The following DHRS7C variants were observed in gnomAD, a reference collection of about 807,000 sequenced individuals.
The protein encoded by DHRS7C is dehydrogenase/reductase 7C, also known as dehydrogenase/reductase SDR family member 7C.
A neutral mutation model predicts 29.6 loss-of-function variants in DHRS7C; 28 were observed. The ratio of observed to expected loss-of-function variants is 0.95; its 90% CI spans 0.70 to 1.30. The LOEUF (loss-of-function observed/expected upper bound fraction) is 1.30, where lower values mean the gene tolerates loss of function less well. Ranked by LOEUF, DHRS7C falls within the 50% of genes most tolerant of loss-of-function variation. The pLI is 0.00. For synonymous variants in DHRS7C, 158 were observed against 160.2 expected (o/e 0.99, Z 0.10); for missense variants, 403 against 393.3 (o/e 1.02, Z -0.21).
intron 1 of DHRS7C, among the ~76,000 whole-genome samples, chr17:9,782,640 A>G (rs1023624143): frequency 5.3e-5 from 8 of 152,228 alleles, no homozygotes; most frequent in Admixed American, 3.3e-4. Context: ...GAAAGGAGGC[A>G]TCTGCACGCC....
rs564124444 is a variant in DHRS7C, at chr17:9,774,296, T to C, written c.572-1374A>G. Among the ~76,000 whole-genome samples the C allele has an allele frequency of 6.6e-6, 1 of 152,134 alleles. No homozygotes were observed. The highest frequency in any genetic ancestry group is 2.1e-4 in the South Asian group (1 of 4,810). ...TCCATGTGGTGTTTTTTGTTTTGTT[T>C]TGTTTTGAGAGGGAGTCTTGCTCTG... On this transcript the variant is annotated intron_variant, in intron 4 of 5. Transcript: ENST00000571134. This position sits in a 1 kb window ranked among gnomAD's most constrained non-coding sequence, Gnocchi z 5.0.
chr17:9,791,287 T>A lies in DHRS7C; in HGVS notation c.-3A>T. ...ATCAGCATGGCCATGACTCCCATCT[T>A]GTTCTGGGGGACAACGGAGTAAAAG... On this transcript the variant is annotated 5_prime_UTR_variant, in exon 1 of 6. Coordinates refer to ENST00000571134, the MANE Select transcript of DHRS7C (RefSeq NM_001105571.3). 1 of 1,613,522 alleles carries A rather than the reference T, an allele frequency of 6.2e-7. No individual in the cohort carries two copies. Among genetic ancestry groups the A allele is most frequent in the Non-Finnish European group, 8.5e-7 (1 of 1,179,742 alleles).
chr17:9,789,684 T>C (rs2066443612), intron 1 of DHRS7C, among the ~76,000 whole-genome samples: 2 of 152,186 alleles, frequency 1.3e-5, no homozygotes, highest in South Asian at 4.1e-4. Flanking sequence ...GTATCAGGGA[T>C]CGCATGTTAG....
Position 9,772,858 on chromosome 17 carries a change from G to T in DHRS7C, c.636C>A (p.Tyr212Ter), listed in dbSNP as rs755563660. Residue 212 changes from tyrosine (Y) to a stop codon, truncating the protein, a stop_gained, in exon 5 of 6, where the codon TAC (tyrosine) becomes TAA (stop). Coordinates refer to ENST00000571134, the MANE Select transcript of DHRS7C (RefSeq NM_001105571.3). LOFTEE classifies it high-confidence loss of function. ...FDCLRAEVEEYDVVISTVSPT... is the reference protein window; with the variant it reads ...FDCLRAEVEE ...GGCTCACGGTGCTGATGACAACATC[G>T]TATTCCTCCACTTCGGCTCGGAGGC... The T allele has an allele frequency of 6.2e-7, 1 of 1,613,912 alleles. No homozygotes were observed. Among genetic ancestry groups the T allele is most frequent in the Non-Finnish European group, 8.5e-7 (1 of 1,179,882 alleles).
Position 9,791,492 on chromosome 17 carries a change from G to C in DHRS7C, c.-208C>G, listed in dbSNP as rs1358047064. On this transcript the variant is annotated 5_prime_UTR_variant, in exon 1 of 6. Transcript: ENST00000571134. ...GTCTCCGAAAGCAGACCGAATCCAG[G>C]GGGCCTGCCCTCCCCAGTGGTTAAT... 6.6e-6 allele frequency among the ~76,000 whole-genome samples: 1 copy of C among 152,240 alleles called. No homozygotes were observed. The highest frequency in any genetic ancestry group is 2.4e-5 in the African/African-American group (1 of 41,468).
chr17:9,777,541 T>TG (rs1281521317), intron 3 of DHRS7C, among the ~76,000 whole-genome samples: 1 of 151,832 alleles, frequency 6.6e-6, no homozygotes, highest in African/African-American at 2.4e-5. Context: ...GATTTCTTTT[T>TG]TTTTTTTTAA....
At chr17:9,788,917 A>C (rs1045529541) in intron 1 of DHRS7C, among the ~76,000 whole-genome samples, 1 of 152,114 alleles carries the variant, frequency 6.6e-6, no homozygotes, top group Admixed American at 6.5e-5. Flanking sequence ...TGGGTCAATG[A>C]GATATAGTAA....
intron 1 of DHRS7C, among the ~76,000 whole-genome samples, chr17:9,784,167 T>C (rs1364750119): frequency 6.6e-6 from 1 of 151,976 alleles, no homozygotes; most frequent in Non-Finnish European, 1.5e-5. Flanking sequence ...TTATAGATTT[T>C]ACCCTTTTAA....
At chr17:9,777,083 C>T (rs2066366198) in intron 4 of DHRS7C, 110 bp downstream of exon 4, 1 of 905,696 alleles carries the variant, frequency 1.1e-6, no homozygotes, top group Non-Finnish European at 1.6e-6. Flanking sequence ...TGGTGTCATC[C>T]TTGGACCCTT....
At chr17:9,773,554 G>A (rs529275879) in intron 4 of DHRS7C, among the ~76,000 whole-genome samples, 2 of 152,174 alleles carry the variant, frequency 1.3e-5, no homozygotes, top group South Asian at 4.2e-4. Context: ...TCTGGGGTGT[G>A]ATGCACCCCA....
At position 9,791,210 on chromosome 17, in the gene DHRS7C, C is replaced by T; in HGVS notation, c.75G>A (p.Glu25=). ...GISGLLFIYQ[E]VSRLWSKSAV... ...CTGACTTTGACCACAGCCTGGACAC[C>T]TCTTGGTAAATGAAGAGGAGGCCGC... The change falls in exon 1 of 6, where the codon GAG becomes GAA. Residue 25 remains glutamate, a synonymous_variant. Coordinates refer to ENST00000571134, the MANE Select transcript of DHRS7C (RefSeq NM_001105571.3). 1 of 1,613,734 alleles carries T rather than the reference C, an allele frequency of 6.2e-7. No individual in the cohort carries two copies. The highest frequency in any genetic ancestry group is 8.5e-7 in the Non-Finnish European group (1 of 1,179,812).
At chr17:9,787,671 G>A (rs2066431721) in intron 1 of DHRS7C, among the ~76,000 whole-genome samples, 1 of 152,120 alleles carries the variant, frequency 6.6e-6, no homozygotes, top group Non-Finnish European at 1.5e-5. Flanking sequence ...ATGATGAGCT[G>A]TTGCCTGATT....
intron 1 of DHRS7C, among the ~76,000 whole-genome samples, chr17:9,788,766 T>C (rs2066438530): frequency 6.6e-6 from 1 of 152,184 alleles, no homozygotes; most frequent in African/African-American, 2.4e-5. Context: ...ACTTAAGACA[T>C]GCAGCAATGG....
intron 4 of DHRS7C, 117 bp from the exon 5 acceptor site, chr17:9,773,039 G>A: frequency 7.9e-7 from 1 of 1,268,322 alleles, no homozygotes; most frequent in Non-Finnish European, 1.1e-6. Flanking sequence ...GAGCTGGGAA[G>A]ATCCTCAAGA....
rs138497023 is a variant in DHRS7C at position 9,776,072 on chromosome 17, G to A, written c.571+1121C>T. Among the ~76,000 whole-genome samples the A allele has an allele frequency of 3.1e-3, 465 of 152,274 alleles. 1 individual carries two copies. Among genetic ancestry groups the A allele is most frequent in the African/African-American group, 0.01 (419 of 41,546 alleles). ...ACAAAAATTAGCTGGGTGTGGTGGC[G>A]TGTGCCTGTAGTCCCAGCTACTCAG... On this transcript the variant is annotated intron_variant, in intron 4 of 5. Transcript: ENST00000571134.
In DHRS7C at chr17:9,779,997, G is replaced by T; in HGVS notation, c.306C>A (p.Asp102Glu). 1 of 1,613,934 alleles carries T rather than the reference G, an allele frequency of 6.2e-7. No individual in the cohort carries two copies. The highest frequency in any genetic ancestry group is 1.1e-5 in the South Asian group (1 of 91,036). Reference sequence around the variant, plus strand: ...TTGCCACATCTGGGACACAGCTGATGTCTGAGAGGTCCAACAGGACCAGCT... The same window carrying T: ...TTGCCACATCTGGGACACAGCTGATTTCTGAGAGGTCCAACAGGACCAGCT... Reference protein sequence around the residue: ...TPKLVLLDLSDISCVPDVAKE... With the variant: ...TPKLVLLDLSEISCVPDVAKE... Residue 102 changes from aspartate (D) to glutamate (E), a missense_variant, in exon 3 of 6, where the codon GAC (aspartate) becomes GAA (glutamate). Coordinates refer to ENST00000571134, the MANE Select transcript of DHRS7C (RefSeq NM_001105571.3).
In DHRS7C at chr17:9,775,717, A is replaced by T. The variant is rs750322934; in HGVS notation, c.571+1476T>A. On this transcript the variant is annotated intron_variant, in intron 4 of 5. Transcript: ENST00000571134. The surrounding 1 kb of genome is among the most constrained non-coding windows in gnomAD (Gnocchi z 4.2). ...ACTAACTAAGGCATATGGAAAAAGG[A>T]AGGTAAAACACTACTAGAGCGGGTG... Among the ~76,000 whole-genome samples the T allele has an allele frequency of 6.6e-6, 1 of 152,206 alleles. No homozygotes were observed. Among genetic ancestry groups the T allele is most frequent in the African/African-American group, 2.4e-5 (1 of 41,452 alleles).
At chr17:9,784,662 A>C (rs1304337159) in intron 1 of DHRS7C, among the ~76,000 whole-genome samples, 1 of 152,238 alleles carries the variant, frequency 6.6e-6, no homozygotes, top group African/African-American at 2.4e-5. Flanking sequence ...CTAATAAAGA[A>C]ATTGGTTAAG....
chr17:9,776,152 A>G (rs891015488), intron 4 of DHRS7C, among the ~76,000 whole-genome samples: 49 of 152,194 alleles, frequency 3.2e-4, no homozygotes, highest in Non-Finnish European at 7.3e-5. Flanking sequence ...GCAGTGAGCC[A>G]AGACCTTGCC....
Sources: allele counts gnomAD v4.1 joint callset (sites outside exome capture counted in the v4.1 genomes callset), GRCh38; gene constraint gnomAD v4.1.1; non-coding constraint Gnocchi (gnomAD v3.1); transcripts MANE v1.5; gene names NCBI Gene and HGNC (gene_info 2026-07-23, HGNC 2026-07-21).